The following MBD5 variants were observed in gnomAD, a reference collection of about 807,000 sequenced individuals.
MBD5 encodes the protein methyl-CpG-binding domain protein 5.
A neutral mutation model predicts 117.3 loss-of-function variants in MBD5; 13 were observed. The ratio of observed to expected loss-of-function variants is 0.11; its 90% CI spans 0.07 to 0.18. The LOEUF (loss-of-function observed/expected upper bound fraction) is 0.18, where lower values mean the gene tolerates loss of function less well. Ranked by LOEUF, MBD5 falls within the 10% of genes least tolerant of loss-of-function variation. MBD5 has a pLI of 1.00. For synonymous variants in MBD5, 727 were observed against 766.4 expected (o/e 0.95, Z 0.85); for missense variants, 1,879 against 2,093.8 (o/e 0.90, Z 2.00).
intron 2 of MBD5, among the ~76,000 whole-genome samples, chr2:148,230,070 C>T (rs1232491305): frequency 6.6e-6 from 1 of 152,172 alleles, no homozygotes; most frequent in Non-Finnish European, 1.5e-5. Flanking sequence ...TGTGTTCACT[C>T]AAGGCTTTAG....
rs565349015 is a variant in MBD5, at chr2:148,103,452, C to T, written c.-924-75248C>T. Among the ~76,000 whole-genome samples the T allele has an allele frequency of 1.6e-4, 24 of 152,286 alleles. 1 individual carries two copies. Among genetic ancestry groups the T allele is most frequent in the Middle Eastern group, 6.8e-3 (2 of 294 alleles). ...GGTATGAGATACTCTCTCCGAAGCT[C>T]ATCACTGATAGAGGGAGAGCCAGGA... On this transcript the variant is annotated intron_variant, in intron 1 of 13. Coordinates refer to ENST00000642680, the MANE Select transcript of MBD5 (RefSeq NM_001378120.1).
chr2:148,218,691 C>A (rs1024352851), intron 2 of MBD5, among the ~76,000 whole-genome samples: 1 of 152,108 alleles, frequency 6.6e-6, no homozygotes, highest in Non-Finnish European at 1.5e-5. Flanking sequence ...CAAACCTGTG[C>A]AGCATATTAT....
chr2:148,445,382 C>T lies in MBD5; in HGVS notation c.-556-12821C>T, dbSNP rs556657365. Among the ~76,000 whole-genome samples the T allele has an allele frequency of 6.8e-4, 103 of 150,660 alleles. No individual in the cohort carries two copies. In the East Asian group the frequency reaches 0.014, roughly 20 times the overall value. On this transcript the variant is annotated intron_variant, in intron 4 of 13. Coordinates refer to ENST00000642680, the MANE Select transcript of MBD5 (RefSeq NM_001378120.1). ...GTTCTCACCTATGAGTGAGAACATG[C>T]GGTGTTTGGTTTTTTGTCCTTGCGA...
intron 4 of MBD5, among the ~76,000 whole-genome samples, chr2:148,440,316 T>C (rs891051687): frequency 6.6e-6 from 1 of 152,238 alleles, no homozygotes; most frequent in African/African-American, 2.4e-5. Flanking sequence ...TTCTGATTTG[T>C]TACTTCATCT....
At chr2:148,471,722 T>C (rs944616868) in intron 8 of MBD5, 4 of 152,106 alleles carry the variant, frequency 2.6e-5, no homozygotes, top group Non-Finnish European at 4.4e-5. Flanking sequence ...TAAATATATA[T>C]ATGGTTTAGA....
chr2:148,132,147 C>CTGAGTATA (rs1471625712), intron 1 of MBD5, among the ~76,000 whole-genome samples: 8 of 151,978 alleles, frequency 5.3e-5, no homozygotes, highest in Admixed American at 1.3e-4. Context: ...AGATAATCTA[C>CTGAGTATA]TGAGTATAAT....
intron 4 of MBD5, among the ~76,000 whole-genome samples, chr2:148,408,105 A>G (rs2105151260): frequency 6.6e-6 from 1 of 152,258 alleles, no homozygotes; most frequent in Admixed American, 6.5e-5. Flanking sequence ...AAACATCCCA[A>G]TTGATGTTAA....
intron 3 of MBD5, among the ~76,000 whole-genome samples, chr2:148,243,130 CA>C (rs202042259): frequency 2.1e-5 from 3 of 140,146 alleles, no homozygotes; most frequent in African/African-American, 7.7e-5. Flanking sequence ...TTTTTTCCAC[CA>C]AAAAAAAAAA....
Position 148,021,498 on chromosome 2 carries a change from A to ACTGCTGCTGCTGCTACTGCTG in MBD5, c.-1105_-1085dup. 1 of 570,496 alleles carries ACTGCTGCTGCTGCTACTGCTG rather than the reference A, an allele frequency of 1.8e-6. No homozygotes were observed. The highest frequency in any genetic ancestry group is 3.4e-6 in the Non-Finnish European group (1 of 296,562). The allele number at this position is 570,496 out of a possible 1,614,324, so 35.3% of individuals were successfully genotyped here. A position where few individuals can be genotyped will look rare whatever the true frequency, so the allele number is the denominator to read the frequency against. On this transcript the variant is annotated 5_prime_UTR_variant, in exon 1 of 14. Coordinates refer to ENST00000642680, the MANE Select transcript of MBD5 (RefSeq NM_001378120.1). ...TGCTGCTGTTGCTGCTGCTGCTGCT[A>ACTGCTGCTGCTGCTACTGCTG]CTGCTGCTGCTGCTACTGCTGCTGC...
intron 8 of MBD5, chr2:148,481,781 G>A (rs1426539898): frequency 6.6e-6 from 1 of 151,990 alleles, no homozygotes. Context: ...GCGGGTCTGG[G>A]TTAGGGCCCA....
At chr2:148,431,573 G>C (rs932382772) in intron 4 of MBD5, among the ~76,000 whole-genome samples, 2 of 152,082 alleles carry the variant, frequency 1.3e-5, no homozygotes, top group Non-Finnish European at 2.9e-5. Flanking sequence ...CCCAGTGTCT[G>C]TTGTTCTTCT....
At chr2:148,081,302 G>T (rs556311642) in intron 1 of MBD5, among the ~76,000 whole-genome samples, 1 of 152,238 alleles carries the variant, frequency 6.6e-6, no homozygotes, top group East Asian at 1.9e-4. Context: ...TTAGCATTTA[G>T]AACAGTTTCT....
At chr2:148,481,535 T>A (rs561650322) in intron 8 of MBD5, among the ~76,000 whole-genome samples, 1 of 152,322 alleles carries the variant, frequency 6.6e-6, no homozygotes, top group East Asian at 1.9e-4. Flanking sequence ...TTAGTATTTT[T>A]AAATAAAACT....
chr2:148,036,344 G>A (rs1694195026), intron 1 of MBD5, among the ~76,000 whole-genome samples: 1 of 152,084 alleles, frequency 6.6e-6, no homozygotes, highest in South Asian at 2.1e-4. Context: ...ACTATTAGTT[G>A]ACATTCTCCT....
At chr2:148,188,117 G>A (rs998765892) in intron 2 of MBD5, among the ~76,000 whole-genome samples, 3 of 152,102 alleles carry the variant, frequency 2.0e-5, no homozygotes, top group African/African-American at 7.2e-5. Context: ...AATGATCATT[G>A]GAGCATTTCA....
At position 148,384,208 on chromosome 2, in the gene MBD5, A is replaced by C. The variant is rs375537687; in HGVS notation, c.-557+41872A>C. Among the ~76,000 whole-genome samples, 15 of 152,284 alleles carry C rather than the reference A, an allele frequency of 9.9e-5. No individual in the cohort carries two copies. The East Asian group carries it at 1.3e-3, about 14-fold the overall frequency. ...AGATGACATGATTGTATATCTAGAA[A>C]ACCCCATCGTCTCAGCCCAAAATCT... is the stretch of plus-strand genomic sequence containing the variant. On this transcript the variant is annotated intron_variant, in intron 4 of 13. Coordinates refer to ENST00000642680, the MANE Select transcript of MBD5 (RefSeq NM_001378120.1).
chr2:148,404,820 A>G (rs1001730447), intron 4 of MBD5, among the ~76,000 whole-genome samples: 2 of 152,164 alleles, frequency 1.3e-5, no homozygotes, highest in African/African-American at 2.4e-5. Context: ...AGCCAGAGTC[A>G]TTACTTATTA....
At chr2:148,407,339 A>AGTGTGTGTGTGT (rs34324249) in intron 4 of MBD5, among the ~76,000 whole-genome samples, 3 of 140,106 alleles carry the variant, frequency 2.1e-5, no homozygotes, top group African/African-American at 7.8e-5. Flanking sequence ...TGGCTTTCTG[A>AGTGTGTGTGTGT]GTGTGTGTGT....
chr2:148,175,228 T>C (rs1376882682), intron 1 of MBD5, among the ~76,000 whole-genome samples: 1 of 152,158 alleles, frequency 6.6e-6, no homozygotes, highest in Non-Finnish European at 1.5e-5. Flanking sequence ...TATAAATATA[T>C]ATAGCTATTG....
Sources: gnomAD v4.1 joint callset for allele counts (sites outside exome capture counted in the v4.1 genomes callset) on GRCh38, gnomAD v4.1.1 for gene constraint, MANE v1.5 for transcripts, NCBI Gene and HGNC (gene_info 2026-07-23, HGNC 2026-07-21) for gene names.